MS4A13: variants seen among roughly 807,000 people sequenced by gnomAD.
MS4A13 encodes membrane spanning 4-domains A13.
MS4A13 carries 21 observed loss-of-function variants against 18.4 expected under a neutral mutation model. That is an observed-to-expected ratio of 1.14 (90% CI 0.81 to 1.64). The LOEUF (loss-of-function observed/expected upper bound fraction) is 1.64, where lower values mean the gene tolerates loss of function less well. Among genes scored for constraint, MS4A13 ranks in the 40% most tolerant of loss-of-function variants. MS4A13 has a pLI of 0.00. For synonymous variants in MS4A13, 62 were observed against 57.2 expected (o/e 1.08, Z -0.38); for missense variants, 173 against 176.8 (o/e 0.98, Z 0.12).
intron 6 of MS4A13, among the ~76,000 whole-genome samples, chr11:60,532,416 C>A (rs1357849898): frequency 6.6e-6 from 1 of 152,198 alleles, no homozygotes; most frequent in Non-Finnish European, 1.5e-5. Flanking sequence ...GTGACGGACG[C>A]ACCTGGAAAA....
intron 6 of MS4A13, among the ~76,000 whole-genome samples, chr11:60,530,999 C>A (rs1323552764): frequency 6.6e-6 from 1 of 152,140 alleles, no homozygotes; most frequent in Non-Finnish European, 1.5e-5. Flanking sequence ...GTCAATTAAA[C>A]CTCTTTCCTT....
intron 5 of MS4A13, among the ~76,000 whole-genome samples, chr11:60,526,642 A>T (rs2086715372): frequency 6.6e-6 from 1 of 152,238 alleles, no homozygotes. Context: ...TAGTGTCATT[A>T]CAGAATTATA....
At chr11:60,525,788 C>G (rs1001043079) in intron 5 of MS4A13, among the ~76,000 whole-genome samples, 4 of 151,888 alleles carry the variant, frequency 2.6e-5, no homozygotes, top group Non-Finnish European at 4.4e-5. Context: ...TGCTTTAAGG[C>G]CAAAAATGCT....
At chr11:60,523,598 T>C (rs1038739078) in intron 3 of MS4A13, among the ~76,000 whole-genome samples, 1 of 152,204 alleles carries the variant, frequency 6.6e-6, no homozygotes, top group Non-Finnish European at 1.5e-5. Flanking sequence ...ATGATGTATC[T>C]CATACACATA....
At chr11:60,517,362 C>G (rs987474361) in intron 2 of MS4A13, among the ~76,000 whole-genome samples, 4 of 151,928 alleles carry the variant, frequency 2.6e-5, no homozygotes, top group South Asian at 2.1e-4. Context: ...AAAGAGTAAT[C>G]AAAAATGTGA....
At chr11:60,536,895 T>C (rs1297543485) in intron 6 of MS4A13, among the ~76,000 whole-genome samples, 1 of 115,906 alleles carries the variant, frequency 8.6e-6, no homozygotes, top group Non-Finnish European at 1.7e-5. Context: ...ATCTGATCTT[T>C]GACAAACCTG....
intron 3 of MS4A13, among the ~76,000 whole-genome samples, chr11:60,519,553 G>A (rs975603474): frequency 1.3e-5 from 2 of 152,186 alleles, no homozygotes; most frequent in African/African-American, 2.4e-5. Flanking sequence ...AGAGTGCACA[G>A]ATTATGGAGA....
At chr11:60,540,271 C>T (rs1042801235) in intron 6 of MS4A13, among the ~76,000 whole-genome samples, 2 of 152,106 alleles carry the variant, frequency 1.3e-5, no homozygotes, top group African/African-American at 2.4e-5. Flanking sequence ...TCCAGCAAAA[C>T]TTTATTTGCA....
chr11:60,540,935 A>T (rs1315533020), intron 6 of MS4A13, among the ~76,000 whole-genome samples: 2 of 148,976 alleles, frequency 1.3e-5, no homozygotes, highest in Non-Finnish European at 3.0e-5. Flanking sequence ...AGTGTGGGTG[A>T]CAGAGTAAAA....
chr11:60,538,370 A>G (rs2086827869), intron 6 of MS4A13, among the ~76,000 whole-genome samples: 1 of 151,360 alleles, frequency 6.6e-6, no homozygotes, highest in African/African-American at 2.4e-5. Flanking sequence ...GACTATAATA[A>G]CTAATCATGC....
intron 6 of MS4A13, among the ~76,000 whole-genome samples, chr11:60,539,933 G>A (rs2086843031): frequency 6.6e-6 from 1 of 152,186 alleles, no homozygotes; most frequent in Non-Finnish European, 1.5e-5. Flanking sequence ...AATTCCTCAT[G>A]AGAAACACTA....
intron 6 of MS4A13, among the ~76,000 whole-genome samples, chr11:60,541,038 T>G (rs557621614): frequency 4.9e-4 from 74 of 152,090 alleles, no homozygotes; most frequent in Non-Finnish European, 1.0e-3. Context: ...ATAAATCTAT[T>G]CATTGTAATA....
intron 6 of MS4A13, among the ~76,000 whole-genome samples, chr11:60,538,401 C>A (rs2086828109): frequency 1.3e-5 from 2 of 150,900 alleles, no homozygotes; most frequent in Admixed American, 6.6e-5. Flanking sequence ...CCAAAACTAC[C>A]AAAAGAGTTG....
intron 5 of MS4A13, 24 bp from the exon 6 acceptor site, chr11:60,529,341 T>C: frequency 1.4e-6 from 2 of 1,400,326 alleles, no homozygotes; most frequent in Non-Finnish European, 2.0e-6. Flanking sequence ...AGCATTAAGA[T>C]TTCTCCCTGT....
intron 5 of MS4A13, among the ~76,000 whole-genome samples, chr11:60,525,694 G>C (rs1466527249): frequency 6.6e-6 from 1 of 152,052 alleles, no homozygotes; most frequent in African/African-American, 2.4e-5. Context: ...TGACACATAT[G>C]GTTCAAATTG....
At position 60,542,528 on chromosome 11, in the gene MS4A13, CA is replaced by C. The variant is rs1474002206; in HGVS notation, c.416del (p.Asn139MetfsTer38). On this transcript the variant is annotated frameshift_variant, in exon 7 of 7. Coordinates refer to ENST00000378186, the MANE Select transcript of MS4A13 (RefSeq NM_001012417.3). LOFTEE classifies it low-confidence loss of function (END_TRUNC). ...IYSCSNLFRR[Q>X]NDLTSVTEEA... ...GTTACTTTTTTTCCAGTTTCGAAGA[CA>C]AAATGATCTTACATCTGTTACTGAG... The C allele has an allele frequency of 6.2e-7, 1 of 1,608,970 alleles. No homozygotes were observed. The highest frequency in any genetic ancestry group is 1.7e-5 in the Admixed American group (1 of 59,518).
At position 60,517,978 on chromosome 11, in the gene MS4A13, T is replaced by G; in HGVS notation, c.-12-94T>G. ...TGCATTGCTGTTTTACTTTTGTATTTGTAAAGGTGTTAAATGCTTCTTATA... is the reference window on the plus strand; with the variant it reads ...TGCATTGCTGTTTTACTTTTGTATTGGTAAAGGTGTTAAATGCTTCTTATA... On this transcript the variant is annotated intron_variant, in intron 2 of 6. Transcript: ENST00000378186. 3.1e-6 allele frequency: 3 copies of G among 971,982 alleles called. No homozygotes were observed. In the East Asian group the frequency reaches 7.8e-5, roughly 25 times the overall value. 60.2% of individuals were successfully genotyped at this position (971,982 alleles called of 1,614,324 possible).
At position 60,529,330 on chromosome 11, in the gene MS4A13, T is replaced by C. The variant is rs368001494; in HGVS notation, c.307-35T>C. ...TCATGTTTGCACTCACTAAAGATAA[T>C]AGCATTAAGATTTCTCCCTGTTTTT... On this transcript the variant is annotated intron_variant, in intron 5 of 6. Coordinates refer to ENST00000378186, the MANE Select transcript of MS4A13 (RefSeq NM_001012417.3). The C allele has an allele frequency of 4.3e-5, 46 of 1,071,044 alleles. No homozygotes were observed. The African/African-American group carries it at 6.1e-4, about 14-fold the overall frequency. The allele number at this position is 1,071,044 out of a possible 1,614,324, so 66.3% of individuals were successfully genotyped here. A position where few individuals can be genotyped will look rare whatever the true frequency, so the allele number is the denominator to read the frequency against.
intron 5 of MS4A13, among the ~76,000 whole-genome samples, chr11:60,527,943 T>C (rs750851422): frequency 1.1e-4 from 16 of 152,218 alleles, no homozygotes; most frequent in Non-Finnish European, 2.4e-4. Context: ...TAAAATGTTA[T>C]GATTATGATT....
Sources: allele counts gnomAD v4.1 joint callset (sites outside exome capture counted in the v4.1 genomes callset), GRCh38; gene constraint gnomAD v4.1.1; transcripts MANE v1.5; gene names NCBI Gene and HGNC (gene_info 2026-07-23, HGNC 2026-07-21).